SLC6A17: variants seen among roughly 807,000 people sequenced by gnomAD.
SLC6A17 encodes sodium-dependent neutral amino acid transporter SLC6A17.
SLC6A17 carries 21 observed loss-of-function variants against 64.5 expected under a neutral mutation model. The observed-to-expected ratio is 0.33, with a 90% confidence interval of 0.23 to 0.47. The LOEUF is 0.47. Among genes scored for constraint, SLC6A17 ranks in the 20% least tolerant of loss-of-function variants. The probability of loss-of-function intolerance (pLI) is 1.00; values close to 1 mark genes in which losing one functional copy is unlikely to be tolerated. For missense variants in SLC6A17, 682 were observed against 963.2 expected (o/e 0.71, Z 3.86); for synonymous variants, 372 against 399.5 (o/e 0.93, Z 0.82).
At chr1:110,166,685 C>G (rs565371520) in intron 1 of SLC6A17, 158 bp from the exon 2 acceptor site, 7 of 413,390 alleles carry the variant, frequency 1.7e-5, no homozygotes, top group Non-Finnish European at 2.6e-5. Flanking sequence ...AGCTCCTCAC[C>G]GGGCAGCCCC....
chr1:110,192,368 G>A lies in SLC6A17; in HGVS notation c.1107-138G>A. 6.9e-7 allele frequency: 1 copy of A among 1,449,034 alleles called. No homozygotes were observed. Among genetic ancestry groups the A allele is most frequent in the Non-Finnish European group, 9.3e-7 (1 of 1,072,566 alleles). 89.8% of individuals were successfully genotyped at this position (1,449,034 alleles called of 1,614,324 possible). ...GGAGCACTCTCTGTCCCCAGCTCCG[G>A]GCCACAGGGACAAGCTCAGAGATGC... On this transcript the variant is annotated intron_variant, in intron 7 of 11. Coordinates refer to ENST00000331565, the MANE Select transcript of SLC6A17 (RefSeq NM_001010898.4). The surrounding 1 kb of genome is among the most constrained non-coding windows in gnomAD (Gnocchi z 4.3).
rs901941845 is a variant in SLC6A17 at position 110,191,838 on chromosome 1, A to G, written c.865-134A>G. ...CTCAGAGGAGTAGGGAAATTGCCCA[A>G]GTTCACACAGCTTCTTACCACTATG... On this transcript the variant is annotated intron_variant, in intron 6 of 11. Transcript: ENST00000331565. The G allele has an allele frequency of 3.5e-5, 50 of 1,440,104 alleles. No homozygotes were observed. In the African/African-American group the frequency reaches 5.5e-4, roughly 16 times the overall value. The allele number at this position is 1,440,104 out of a possible 1,614,324, so 89.2% of individuals were successfully genotyped here.
chr1:110,154,095 C>G (rs1346786869), intron 1 of SLC6A17, among the ~76,000 whole-genome samples: 1 of 152,244 alleles, frequency 6.6e-6, no homozygotes, highest in Non-Finnish European at 1.5e-5. Context: ...GTGGCTCACA[C>G]TGTGCTTGGC....
At chr1:110,174,671 A>G (rs1299591294) in intron 4 of SLC6A17, 108 bp from the exon 5 acceptor site, 7 of 1,395,022 alleles carry the variant, frequency 5.0e-6, no homozygotes, top group Non-Finnish European at 6.9e-6. Context: ...CCAGCTGCCC[A>G]CCCTCAGCAG....
At chr1:110,152,161 C>T (rs998155015) in intron 1 of SLC6A17, among the ~76,000 whole-genome samples, 1 of 152,148 alleles carries the variant, frequency 6.6e-6, no homozygotes, top group Non-Finnish European at 1.5e-5. Flanking sequence ...CTCTGTGAGG[C>T]GGACCCATCA....
In SLC6A17 at chr1:110,200,155, G is replaced by C; in HGVS notation, c.*1711G>C. ...GACCTGGAGGGACAGACCAGAATCA[G>C]GGTCCCCTCCTTTACCCCTGAGTTC... is the stretch of plus-strand genomic sequence containing the variant. On this transcript the variant is annotated 3_prime_UTR_variant, in exon 12 of 12. Transcript: ENST00000331565. 7.5e-6 allele frequency: 3 copies of C among 398,460 alleles called. No homozygotes were observed. The highest frequency in any genetic ancestry group is 4.4e-6 in the Non-Finnish European group (1 of 226,054). The allele number at this position is 398,460 out of a possible 1,614,324, so 24.7% of individuals were successfully genotyped here.
chr1:110,176,569 T>TG (rs1177082940), intron 5 of SLC6A17, 60 bp from the exon 6 acceptor site: 8 of 1,493,172 alleles, frequency 5.4e-6, no homozygotes, highest in Non-Finnish European at 7.5e-6. Context: ...TGAGCAGGGA[T>TG]GGGGGGTGCC....
In SLC6A17 at chr1:110,200,362, C is replaced by G. The variant is rs1657092073; in HGVS notation, c.*1918C>G. The G allele has an allele frequency of 2.8e-6, 1 of 355,844 alleles. No individual in the cohort carries two copies. The highest frequency in any genetic ancestry group is 5.0e-6 in the Non-Finnish European group (1 of 199,586). The allele number at this position is 355,844 out of a possible 1,614,324, so 22.0% of individuals were successfully genotyped here. A position where few individuals can be genotyped will look rare whatever the true frequency, so the allele number is the denominator to read the frequency against. On this transcript the variant is annotated 3_prime_UTR_variant, in exon 12 of 12. Coordinates refer to ENST00000331565, the MANE Select transcript of SLC6A17 (RefSeq NM_001010898.4). ...GATGAGCTTTTGGGGCACAACATCC[C>G]ACCGCAGTCCCCCTCACCCGACAAC...
At chr1:110,184,806 G>A (rs1019388212) in intron 6 of SLC6A17, among the ~76,000 whole-genome samples, 2 of 152,180 alleles carry the variant, frequency 1.3e-5, no homozygotes, top group Non-Finnish European at 2.9e-5. Context: ...TGTAATGTAT[G>A]TGTGTGTGTA....
At chr1:110,167,386 A>G (rs1443761446) in intron 2 of SLC6A17, among the ~76,000 whole-genome samples, 171 bp downstream of exon 2, 1 of 152,160 alleles carries the variant, frequency 6.6e-6, no homozygotes, top group Non-Finnish European at 1.5e-5. Context: ...GTAGCTACCA[A>G]GAGACTACAG....
Position 110,192,641 on chromosome 1 carries a change from G to A in SLC6A17, c.1242G>A (p.Glu414=). Residue 414 remains glutamate, a synonymous_variant, in exon 8 of 12, where the codon GAG becomes GAA. Transcript: ENST00000331565. This position sits in a 1 kb window ranked among gnomAD's most constrained non-coding sequence, Gnocchi z 4.3. The part of the protein sequence containing the change: ...EMYNVIMTVK[E]DQFSALGLDP... ...ACAATGTCATCATGACCGTGAAGGA[G>A]GACCAGTTCTCAGCCCTGGGCCTTG... is the stretch of plus-strand genomic sequence containing the variant. 3 of 1,614,184 alleles carry A rather than the reference G, an allele frequency of 1.9e-6. No homozygotes were observed. Among genetic ancestry groups the A allele is most frequent in the African/African-American group, 1.3e-5 (1 of 75,054 alleles).
chr1:110,195,378 G>A (rs1374929248), intron 9 of SLC6A17, among the ~76,000 whole-genome samples: 2 of 152,240 alleles, frequency 1.3e-5, no homozygotes, highest in African/African-American at 4.8e-5. Context: ...TAGACACAAC[G>A]CCTTCCTCAG....
chr1:110,189,385 T>C lies in SLC6A17; in HGVS notation c.865-2587T>C, dbSNP rs369464213. Among the ~76,000 whole-genome samples the C allele has an allele frequency of 3.2e-4, 48 of 152,026 alleles. 1 individual carries two copies. Among genetic ancestry groups the C allele is most frequent in the African/African-American group, 1.1e-3 (47 of 41,446 alleles). Reference sequence around the variant, plus strand: ...CACCTCGGCCTCTCCCTCTCCAGCATCTCCCATCTCCAGTCCATCCCGAAG... The same window carrying C: ...CACCTCGGCCTCTCCCTCTCCAGCACCTCCCATCTCCAGTCCATCCCGAAG... On this transcript the variant is annotated intron_variant, in intron 6 of 11. Coordinates refer to ENST00000331565, the MANE Select transcript of SLC6A17 (RefSeq NM_001010898.4).
intron 3 of SLC6A17, 68 bp from the exon 4 acceptor site, chr1:110,173,902 CTCG>C: frequency 6.5e-7 from 1 of 1,537,478 alleles, no homozygotes; most frequent in Admixed American, 1.9e-5. Context: ...CGTGCTGGGC[CTCG>C]GGTGGAGCGT....
At chr1:110,167,915 C>T (rs1381606858) in intron 2 of SLC6A17, among the ~76,000 whole-genome samples, 4 of 152,048 alleles carry the variant, frequency 2.6e-5, no homozygotes, top group Admixed American at 6.5e-5. Context: ...ACAGGCTTGC[C>T]CAGAGCCTGG....
intron 2 of SLC6A17, 76 bp downstream of exon 2, chr1:110,167,291 T>A: frequency 1.3e-6 from 2 of 1,516,160 alleles, no homozygotes; most frequent in Middle Eastern, 2.0e-4. Context: ...GAACACCCCT[T>A]TGCTGAGGCA....
chr1:110,181,720 G>A (rs941415366), intron 6 of SLC6A17, among the ~76,000 whole-genome samples: 2 of 152,232 alleles, frequency 1.3e-5, no homozygotes, highest in Non-Finnish European at 2.9e-5. Context: ...ATGAAGACCT[G>A]AAGGAGGCCA....
chr1:110,194,889 C>A, intron 9 of SLC6A17, 118 bp downstream of exon 9: 2 of 1,256,778 alleles, frequency 1.6e-6, no homozygotes, highest in Non-Finnish European at 2.2e-6. Context: ...CCACCCCACA[C>A]TGGGACACAG....
intron 2 of SLC6A17, 81 bp from the exon 3 acceptor site, chr1:110,171,979 G>A: frequency 1.3e-6 from 2 of 1,541,358 alleles, no homozygotes; most frequent in Non-Finnish European, 1.8e-6. Context: ...GGCTGAGACT[G>A]GAAGACATGG....
Sources: gnomAD v4.1 joint callset for allele counts (sites outside exome capture counted in the v4.1 genomes callset) on GRCh38, gnomAD v4.1.1 for gene constraint, Gnocchi (gnomAD v3.1) non-coding constraint, MANE v1.5 for transcripts, NCBI Gene and HGNC (gene_info 2026-07-23, HGNC 2026-07-21) for gene names.